The following OSBP variants were observed in gnomAD, a reference collection of about 807,000 sequenced individuals.
OSBP encodes oxysterol binding protein.
A neutral mutation model predicts 96.6 loss-of-function variants in OSBP; 32 were observed. The ratio of observed to expected loss-of-function variants is 0.33; its 90% CI spans 0.25 to 0.45. OSBP has a LOEUF of 0.45. Ranked by LOEUF, OSBP falls within the 20% of genes least tolerant of loss-of-function variation. The pLI is 1.00. For synonymous variants in OSBP, 369 were observed against 389.6 expected, an observed-to-expected ratio of 0.95 and a Z score of 0.62; for missense variants, 653 against 1,029.7, an observed-to-expected ratio of 0.63 and a Z score of 5.01.
At chr11:59,610,315 A>C (rs17593682) in intron 2 of OSBP, 66 bp downstream of exon 2, 55,056 of 1,365,146 alleles carry the variant, frequency 0.04, 1,387 homozygotes, top group Non-Finnish European at 0.044. Flanking sequence ...TAATGATGAC[A>C]AACAAAATCT....
intron 1 of OSBP, 78 bp from the exon 2 acceptor site, chr11:59,610,667 C>T (rs1430306167): frequency 8.7e-7 from 1 of 1,147,726 alleles, no homozygotes; most frequent in Non-Finnish European, 1.3e-6. Flanking sequence ...CTTTTCATAA[C>T]TCTGAGCTCC....
In OSBP at chr11:59,600,357, G is replaced by A. The variant is rs1860707238; in HGVS notation, c.1311+139C>T. 7 of 860,772 alleles carry A rather than the reference G, an allele frequency of 8.1e-6. No homozygotes were observed. In the Admixed American group the frequency reaches 1.3e-4, roughly 16 times the overall value. The allele number at this position is 860,772 out of a possible 1,614,324, so 53.3% of individuals were successfully genotyped here. A position where few individuals can be genotyped will look rare whatever the true frequency, so the allele number is the denominator to read the frequency against. On this transcript the variant is annotated intron_variant, in intron 7 of 13. Coordinates refer to ENST00000263847, the MANE Select transcript of OSBP (RefSeq NM_002556.3). ...CAAAATTAAAGCAGCTAAATTTATG[G>A]AACAGTTTATGATTATAAAGGTAAA...
chr11:59,605,816 G>T (rs755578786), intron 3 of OSBP, among the ~76,000 whole-genome samples: 1 of 152,192 alleles, frequency 6.6e-6, no homozygotes, highest in Non-Finnish European at 1.5e-5. Flanking sequence ...GTATCTGCTA[G>T]TATCATTACC....
chr11:59,613,334 A>T (rs142855455), intron 1 of OSBP, among the ~76,000 whole-genome samples: 63 of 152,350 alleles, frequency 4.1e-4, no homozygotes, highest in African/African-American at 1.5e-3. Context: ...AGCTCTTGTA[A>T]GGGAGAAGTT....
chr11:59,600,511 A>C lies in OSBP; in HGVS notation c.1296T>G (p.Ser432=). Residue 432 remains serine, a synonymous_variant, in exon 7 of 14, where the codon TCT becomes TCG. Transcript: ENST00000263847. The stretch of plus-strand genomic sequence containing the variant: ...AGAACCTTACCGGCATGGGGATCTT[A>C]GAGAGTTCTTTTCCAATGCAGTTCT... The part of the protein sequence containing the change: ...IMKNCIGKEL[S]KIPMPVNFNE... The C allele has an allele frequency of 6.2e-7, 1 of 1,613,984 alleles. No individual in the cohort carries two copies. The highest frequency in any genetic ancestry group is 8.5e-7 in the Non-Finnish European group (1 of 1,179,926).
chr11:59,609,721 A>G (rs558239112), intron 2 of OSBP, among the ~76,000 whole-genome samples: 1 of 152,284 alleles, frequency 6.6e-6, no homozygotes, highest in South Asian at 2.1e-4. Flanking sequence ...ATATATCAGG[A>G]GAAAATCGTA....
chr11:59,594,134 G>A lies in OSBP; in HGVS notation c.1433C>T (p.Ala478Val), dbSNP rs1393405258. 6.2e-7 allele frequency: 1 copy of A among 1,614,046 alleles called. No homozygotes were observed. The highest frequency in any genetic ancestry group is 8.5e-7 in the Non-Finnish European group (1 of 1,180,028). The change falls in exon 8 of 14, where the codon GCT becomes GTT. Residue 478 changes from alanine (A) to valine (V), a missense_variant. By Grantham distance (64) the Ala-to-Val change is moderately conservative (BLOSUM62 0). Transcript: ENST00000263847. The part of the protein sequence containing the change: ...NSLEQLCYVA[A>V]FTVSSYSTTV... ...AGTGGAGTAGGAGGACACGGTGAAA[G>A]CTGCAACATAACAGAGCTGTTCTAG...
At chr11:59,609,764 T>C (rs183388628) in intron 2 of OSBP, among the ~76,000 whole-genome samples, 46 of 152,320 alleles carry the variant, frequency 3.0e-4, no homozygotes, top group South Asian at 6.2e-4. Context: ...AAAACTTAAC[T>C]TGATTGCTCC....
intron 9 of OSBP, among the ~76,000 whole-genome samples, chr11:59,586,526 A>G (rs1471735212): frequency 6.6e-6 from 1 of 152,218 alleles, no homozygotes; most frequent in Non-Finnish European, 1.5e-5. Context: ...CCAAATCCCA[A>G]GATGTTTTCT....
rs553810731 is a variant in OSBP, at chr11:59,592,051, G to C, written c.1678+1553C>G. Among the ~76,000 whole-genome samples, 3 of 152,266 alleles carry C rather than the reference G, an allele frequency of 2.0e-5. No individual in the cohort carries two copies. In the South Asian group the frequency reaches 6.2e-4, roughly 32 times the overall value. On this transcript the variant is annotated intron_variant, in intron 9 of 13. Coordinates refer to ENST00000263847, the MANE Select transcript of OSBP (RefSeq NM_002556.3). Reference sequence around the variant, plus strand: ...CTTTAGAGATCCTCAAGGGGCCTCTGAAACTCTTCTCTATGGTGAAACATC... The same window carrying C: ...CTTTAGAGATCCTCAAGGGGCCTCTCAAACTCTTCTCTATGGTGAAACATC...
At position 59,610,560 on chromosome 11, in the gene OSBP, C is replaced by CG; in HGVS notation, c.391dup (p.Arg131ProfsTer34). 1 of 1,614,062 alleles carries CG rather than the reference C, an allele frequency of 6.2e-7. No individual in the cohort carries two copies. The highest frequency in any genetic ancestry group is 8.5e-7 in the Non-Finnish European group (1 of 1,179,926). On this transcript the variant is annotated frameshift_variant, in exon 2 of 14. Coordinates refer to ENST00000263847, the MANE Select transcript of OSBP (RefSeq NM_002556.3). LOFTEE classifies it high-confidence loss of function. ...GGCTGTGGCGAGGTTGATGGTACCA[C>CG]GGCAGGTATGTCTCATTTCTGCCTT...
intron 9 of OSBP, among the ~76,000 whole-genome samples, chr11:59,591,860 A>ATCCGCCTGCC (rs1482144733): frequency 1.3e-5 from 2 of 152,104 alleles, no homozygotes; most frequent in Non-Finnish European, 2.9e-5. Flanking sequence ...ACCTCAGGTG[A>ATCCGCCTGCC]TCCGCCTGCC....
chr11:59,588,943 T>C (rs1860538546), intron 9 of OSBP, among the ~76,000 whole-genome samples: 1 of 151,886 alleles, frequency 6.6e-6, no homozygotes, highest in South Asian at 2.1e-4. Context: ...AGCGGGAGGT[T>C]GCAGTGAACC....
chr11:59,582,482 G>A (rs912905986), intron 9 of OSBP, among the ~76,000 whole-genome samples: 10 of 152,168 alleles, frequency 6.6e-5, no homozygotes, highest in Admixed American at 3.9e-4. Flanking sequence ...CTGTGTTCAG[G>A]ACCCTCCCAG....
In OSBP at chr11:59,578,177, C is replaced by CCCT; in HGVS notation, c.2029_2031dup (p.Arg677dup). 6.2e-7 allele frequency: 1 copy of CCCT among 1,614,170 alleles called. No individual in the cohort carries two copies. The highest frequency in any genetic ancestry group is 1.1e-5 in the South Asian group (1 of 91,084). Reference sequence around the variant, plus strand: ...AAAGGATTCCTTTTCCACAGCATGACCCTGCTTTCCTCTGCTTCATGGCCT... The same window carrying CCCT: ...AAAGGATTCCTTTTCCACAGCATGACCCTCCTGCTTTCCTCTGCTTCATGGCCT... On this transcript the variant is annotated inframe_insertion, in exon 12 of 14. Transcript: ENST00000263847.
intron 3 of OSBP, among the ~76,000 whole-genome samples, chr11:59,607,329 G>T (rs1196181498): frequency 1.3e-5 from 2 of 152,178 alleles, no homozygotes; most frequent in Admixed American, 1.3e-4. Flanking sequence ...ACCCTGACTG[G>T]CTGACTGGTC....
intron 6 of OSBP, 80 bp downstream of exon 6, chr11:59,600,739 A>G: frequency 6.5e-7 from 1 of 1,530,066 alleles, no homozygotes; most frequent in Non-Finnish European, 8.9e-7. Flanking sequence ...TTCTCTTAGC[A>G]CTTCACAAAA....
intron 3 of OSBP, among the ~76,000 whole-genome samples, chr11:59,605,159 A>T (rs1231790549): frequency 6.6e-6 from 1 of 152,102 alleles, no homozygotes; most frequent in Non-Finnish European, 1.5e-5. Flanking sequence ...TCTCAAAAAA[A>T]AAGAAAAAAA....
chr11:59,595,337 C>CT (rs151071598), intron 7 of OSBP, among the ~76,000 whole-genome samples: 25,941 of 151,768 alleles, frequency 0.17, 4,068 homozygotes, highest in African/African-American at 0.41. Context: ...AAAAAATTCC[C>CT]TTTTAGTGAA....
Sources: allele counts gnomAD v4.1 joint callset (sites outside exome capture counted in the v4.1 genomes callset), GRCh38; gene constraint gnomAD v4.1.1; transcripts MANE v1.5; gene names NCBI Gene and HGNC (gene_info 2026-07-23, HGNC 2026-07-21).